Variants in ANKRD55 observed in about 807,000 individuals in gnomAD.
ANKRD55 encodes the protein ankyrin repeat domain-containing protein 55.
ANKRD55 carries 41 observed loss-of-function variants against 60.6 expected under a neutral mutation model. That is an observed-to-expected ratio of 0.68 (90% CI 0.53 to 0.88). ANKRD55 has a LOEUF of 0.88. Among genes scored for constraint, ANKRD55 ranks in the 40% least tolerant of loss-of-function variants. The pLI is 0.00. For missense variants in ANKRD55, 732 were observed against 767.6 expected (o/e 0.95, Z 0.55); for synonymous variants, 264 against 290.3 (o/e 0.91, Z 0.92).
chr5:56,188,120 T>C (rs1263105203), intron 2 of ANKRD55, among the ~76,000 whole-genome samples: 1 of 152,126 alleles, frequency 6.6e-6, no homozygotes, highest in Non-Finnish European at 1.5e-5. Context: ...AACATGTGGC[T>C]TAGAACTAAG....
At chr5:56,190,611 C>T (rs555269926) in intron 2 of ANKRD55, among the ~76,000 whole-genome samples, 116 of 152,286 alleles carry the variant, frequency 7.6e-4, no homozygotes, top group African/African-American at 2.7e-3. Context: ...GCTGCTATAA[C>T]ACAATACTAT....
chr5:56,180,980 C>T (rs578179393), intron 3 of ANKRD55, among the ~76,000 whole-genome samples: 3 of 152,278 alleles, frequency 2.0e-5, no homozygotes, highest in South Asian at 2.1e-4. Context: ...GGGAGGATCA[C>T]CTGAGAGGTC....
At chr5:56,209,302 T>A (rs1379537758) in intron 2 of ANKRD55, among the ~76,000 whole-genome samples, 1 of 152,102 alleles carries the variant, frequency 6.6e-6, no homozygotes, top group East Asian at 1.9e-4. Context: ...TAAGATAAAA[T>A]TTGAAAATGT....
intron 8 of ANKRD55, among the ~76,000 whole-genome samples, chr5:56,119,916 T>A (rs910230313): frequency 9.9e-5 from 15 of 152,078 alleles, no homozygotes; most frequent in African/African-American, 3.4e-4. Context: ...AGACCCTGTC[T>A]CAAAAAACAA....
At chr5:56,115,262 A>T (rs1756853704) in intron 9 of ANKRD55, among the ~76,000 whole-genome samples, 1 of 151,716 alleles carries the variant, frequency 6.6e-6, no homozygotes, top group Non-Finnish European at 1.5e-5. Context: ...ACCAAAAAAC[A>T]AAACACATTA....
intron 2 of ANKRD55, among the ~76,000 whole-genome samples, chr5:56,210,943 T>C (rs1476390188): frequency 2.0e-5 from 3 of 152,204 alleles, no homozygotes; most frequent in Admixed American, 6.5e-5. Flanking sequence ...ATATACTCAA[T>C]CATTATTGAC....
chr5:56,162,979 A>T (rs890939723), intron 5 of ANKRD55, among the ~76,000 whole-genome samples: 4 of 152,116 alleles, frequency 2.6e-5, no homozygotes, highest in African/African-American at 9.7e-5. Flanking sequence ...TTGTTGGTCA[A>T]GTTTAAATAG....
intron 8 of ANKRD55, among the ~76,000 whole-genome samples, chr5:56,124,469 C>G (rs1047080924): frequency 1.3e-5 from 2 of 152,022 alleles, no homozygotes; most frequent in African/African-American, 2.4e-5. Context: ...AGCACATAAA[C>G]CTGTGCAAAC....
At chr5:56,153,568 C>T (rs539247913) in intron 6 of ANKRD55, among the ~76,000 whole-genome samples, 4 of 151,938 alleles carry the variant, frequency 2.6e-5, no homozygotes, top group Non-Finnish European at 5.9e-5. Context: ...GGCTGGGTGC[C>T]GTGGCTCACG....
chr5:56,126,810 T>C (rs2111720307), intron 8 of ANKRD55, 112 bp downstream of exon 8: 1 of 1,177,002 alleles, frequency 8.5e-7, no homozygotes, highest in South Asian at 2.1e-5. Context: ...TGTGTATTAC[T>C]GGCAATAGGG....
At chr5:56,191,962 C>T (rs1183192148) in intron 2 of ANKRD55, among the ~76,000 whole-genome samples, 1 of 152,108 alleles carries the variant, frequency 6.6e-6, no homozygotes, top group Non-Finnish European at 1.5e-5. Flanking sequence ...ATAACAAGTA[C>T]AAAGAAAAGT....
At chr5:56,190,482 T>C (rs749795437) in intron 2 of ANKRD55, among the ~76,000 whole-genome samples, 2 of 152,232 alleles carry the variant, frequency 1.3e-5, no homozygotes, top group African/African-American at 2.4e-5. Context: ...CTTTGATCCA[T>C]TTTGAGTTAA....
intron 2 of ANKRD55, among the ~76,000 whole-genome samples, chr5:56,229,655 A>C (rs567277411): frequency 6.6e-6 from 1 of 152,250 alleles, no homozygotes; most frequent in South Asian, 2.1e-4. Flanking sequence ...GCTAAAGAGA[A>C]ATATAGGAAA....
chr5:56,150,094 C>A (rs1049813315), intron 6 of ANKRD55, among the ~76,000 whole-genome samples: 9 of 152,138 alleles, frequency 5.9e-5, no homozygotes, highest in African/African-American at 1.9e-4. Context: ...CCTGCCTTGG[C>A]CTCCCAAAGT....
chr5:56,213,963 T>C (rs159565), intron 2 of ANKRD55, among the ~76,000 whole-genome samples: 50,024 of 152,164 alleles, frequency 0.33, 9,734 homozygotes, highest in African/African-American at 0.53. Flanking sequence ...TTTGATGGAC[T>C]CATCCACATG....
At chr5:56,114,470 T>C (rs1194113262) in intron 9 of ANKRD55, among the ~76,000 whole-genome samples, 4 of 152,246 alleles carry the variant, frequency 2.6e-5, no homozygotes, top group African/African-American at 7.2e-5. Context: ...TATATTCACA[T>C]TGTAAGCTTG....
chr5:56,115,014 C>T (rs1430842112), intron 9 of ANKRD55, among the ~76,000 whole-genome samples: 1 of 151,590 alleles, frequency 6.6e-6, no homozygotes, highest in Non-Finnish European at 1.5e-5. Context: ...GTGAGGCCAT[C>T]TCTACAAAAA....
At chr5:56,102,426 T>A in intron 11 of ANKRD55, 68 bp downstream of exon 11, 1 of 1,097,696 alleles carries the variant, frequency 9.1e-7, no homozygotes, top group Non-Finnish European at 1.3e-6. Context: ...TAAACGGAAA[T>A]AACATTTAGT....
At chr5:56,192,902 T>C in intron 2 of ANKRD55, 1 of 642,162 alleles carries the variant, frequency 1.6e-6, no homozygotes. Flanking sequence ...TCTAAAAGTA[T>C]TTTTTATGAG....
Sources: gnomAD v4.1 joint callset for allele counts (sites outside exome capture counted in the v4.1 genomes callset) on GRCh38, gnomAD v4.1.1 for gene constraint, MANE v1.5 for transcripts, NCBI Gene and HGNC (gene_info 2026-07-23, HGNC 2026-07-21) for gene names.